Variants in CHSY3 observed in about 807,000 individuals in gnomAD.
CHSY3 encodes chondroitin sulfate synthase 3.
In CHSY3, 35 loss-of-function variants were observed where a neutral mutation model predicts 67.2. That is an observed-to-expected ratio of 0.52 (90% confidence interval 0.40 to 0.69). CHSY3 has a LOEUF of 0.69. Ranked by LOEUF, CHSY3 falls within the 30% of genes least tolerant of loss-of-function variation. CHSY3 has a pLI of 0.00. For synonymous variants in CHSY3, 474 were observed against 434.7 expected (o/e 1.09, Z -1.12); for missense variants, 1,069 against 1,138.5 (o/e 0.94, Z 0.88).
chr5:129,905,229 C>A lies in CHSY3; in HGVS notation c.400C>A (p.Pro134Thr). The change falls in exon 1 of 3, where the codon CCC becomes ACC. Residue 134 changes from proline to threonine, a missense_variant. Pro to Thr is a conservative substitution (Grantham distance 38, BLOSUM62 -1). Coordinates refer to ENST00000305031, the MANE Select transcript of CHSY3 (RefSeq NM_175856.5). ...CGGTGCTCCAGCGGCCGAGGGGGAG[C>A]CCGAGGAGGAGGACGGGGGCGCGGC... ...LPGAPAAEGE[P>T]EEEDGGAAGQ... 1 of 1,494,854 alleles carries A rather than the reference C, an allele frequency of 6.7e-7. No individual in the cohort carries two copies. Among genetic ancestry groups the A allele is most frequent in the Non-Finnish European group, 8.9e-7 (1 of 1,128,766 alleles). The allele number at this position is 1,494,854 out of a possible 1,614,324, so 92.6% of individuals were successfully genotyped here.
In CHSY3 at chr5:130,146,428, G is replaced by A. The variant is rs575786511; in HGVS notation, c.1087-37801G>A. On this transcript the variant is annotated intron_variant, in intron 2 of 2. Transcript: ENST00000305031. ...ATGTTATCAAACATACCAGAGAGTA[G>A]ATCAGTGATTACCAGAGACTGGAGA... 7.2e-5 allele frequency among the ~76,000 whole-genome samples: 11 copies of A among 152,230 alleles called. No individual in the cohort carries two copies. In the South Asian group the frequency reaches 2.3e-3, roughly 32 times the overall value.
chr5:130,106,428 C>T (rs983455471), intron 2 of CHSY3, among the ~76,000 whole-genome samples: 5 of 151,606 alleles, frequency 3.3e-5, no homozygotes, highest in Non-Finnish European at 7.4e-5. Flanking sequence ...AAAACACCTA[C>T]TTTTGTGTGC....
chr5:130,158,405 T>G (rs188854206), intron 2 of CHSY3, among the ~76,000 whole-genome samples: 77 of 152,342 alleles, frequency 5.1e-4, no homozygotes, highest in Non-Finnish European at 6.2e-4. Context: ...CTGTATCCTG[T>G]TCTTAAAGAA....
intron 2 of CHSY3, among the ~76,000 whole-genome samples, chr5:130,178,151 CT>C (rs1770110768): frequency 2.0e-5 from 2 of 101,368 alleles, no homozygotes; most frequent in South Asian, 2.9e-4. Context: ...TAGTTGTGGT[CT>C]TTTTTTAGTA....
At chr5:129,980,996 G>A (rs2149622232) in intron 2 of CHSY3, among the ~76,000 whole-genome samples, 1 of 151,100 alleles carries the variant, frequency 6.6e-6, no homozygotes, top group African/African-American at 2.4e-5. Flanking sequence ...TACGAGGTAA[G>A]GAGATCGAGA....
At chr5:129,955,787 G>A (rs1245744530) in intron 2 of CHSY3, among the ~76,000 whole-genome samples, 1 of 152,036 alleles carries the variant, frequency 6.6e-6, no homozygotes, top group Non-Finnish European at 1.5e-5. Flanking sequence ...AAGAATATGT[G>A]GTATTTGCTT....
chr5:129,986,048 A>G (rs1478307007), intron 2 of CHSY3, among the ~76,000 whole-genome samples: 1 of 151,954 alleles, frequency 6.6e-6, no homozygotes, highest in African/African-American at 2.4e-5. Flanking sequence ...ATTGCTCTAG[A>G]CTTCCAGTAC....
chr5:129,957,114 A>G (rs1762199529), intron 2 of CHSY3, among the ~76,000 whole-genome samples: 4 of 152,132 alleles, frequency 2.6e-5, no homozygotes, highest in Non-Finnish European at 5.9e-5. Context: ...ATGTTTTTCC[A>G]TTTGTTCGTG....
intron 2 of CHSY3, among the ~76,000 whole-genome samples, chr5:130,131,190 A>G (rs1768472339): frequency 6.6e-6 from 1 of 152,194 alleles, no homozygotes; most frequent in African/African-American, 2.4e-5. Context: ...AAATCATTGA[A>G]TGAGTCAAGT....
At chr5:130,102,118 G>A (rs1024249430) in intron 2 of CHSY3, among the ~76,000 whole-genome samples, 4 of 151,938 alleles carry the variant, frequency 2.6e-5, no homozygotes, top group Admixed American at 6.6e-5. Flanking sequence ...GTTTAAATCC[G>A]AATATATTAT....
At chr5:130,095,970 C>G (rs899089543) in intron 2 of CHSY3, among the ~76,000 whole-genome samples, 1 of 152,262 alleles carries the variant, frequency 6.6e-6, no homozygotes, top group African/African-American at 2.4e-5. Flanking sequence ...GAGAAAACAT[C>G]AGACCAAATG....
chr5:130,074,043 C>T (rs1473401890), intron 2 of CHSY3, among the ~76,000 whole-genome samples: 1 of 151,948 alleles, frequency 6.6e-6, no homozygotes, highest in Non-Finnish European at 1.5e-5. Flanking sequence ...TAACAATTAT[C>T]TTTCAGCTAG....
At chr5:130,104,490 G>A (rs1326114434) in intron 2 of CHSY3, among the ~76,000 whole-genome samples, 1 of 151,820 alleles carries the variant, frequency 6.6e-6, no homozygotes, top group African/African-American at 2.4e-5. Flanking sequence ...CAGAGTTGGG[G>A]GGAAGAGATT....
chr5:130,185,602 G>A lies in CHSY3; in HGVS notation c.2460G>A (p.Arg820=), dbSNP rs758540850. 10 of 1,614,046 alleles carry A rather than the reference G, an allele frequency of 6.2e-6. No individual in the cohort carries two copies. The highest frequency in any genetic ancestry group is 7.6e-6 in the Non-Finnish European group (9 of 1,179,970). Residue 820 remains arginine, a synonymous_variant, in exon 3 of 3, where the codon AGG becomes AGA. Transcript: ENST00000305031. ...LYNKVILSGL[R]PFRSQEVGVV... is the part of the protein sequence containing the mutation. Reference sequence around the variant, plus strand: ...ATAAAGTCATTCTATCTGGCTTAAGGCCATTCAGAAGCCAAGAAGTAGGAG... The same window carrying A: ...ATAAAGTCATTCTATCTGGCTTAAGACCATTCAGAAGCCAAGAAGTAGGAG...
chr5:130,155,021 A>T (rs1261562062), intron 2 of CHSY3, among the ~76,000 whole-genome samples: 1 of 152,102 alleles, frequency 6.6e-6, no homozygotes, highest in African/African-American at 2.4e-5. Flanking sequence ...TCGAACAGCA[A>T]CTCCAACAGG....
chr5:130,169,689 G>A (rs200570255), intron 2 of CHSY3, among the ~76,000 whole-genome samples: 71 of 147,782 alleles, frequency 4.8e-4, no homozygotes, highest in Non-Finnish European at 3.9e-4. Flanking sequence ...TGGGAGCACA[G>A]AAAAAAAAAA....
intron 2 of CHSY3, among the ~76,000 whole-genome samples, chr5:130,103,972 C>T (rs888415538): frequency 6.6e-6 from 1 of 151,880 alleles, no homozygotes; most frequent in Non-Finnish European, 1.5e-5. Context: ...GTCCCTTGTT[C>T]TAGCCAGAGA....
chr5:129,914,035 A>G (rs1469500799), intron 2 of CHSY3, among the ~76,000 whole-genome samples: 1 of 152,208 alleles, frequency 6.6e-6, no homozygotes, highest in Non-Finnish European at 1.5e-5. Context: ...TCTTAATAAC[A>G]TATTTTTAAG....
chr5:129,908,003 C>T lies in CHSY3; in HGVS notation c.803-74C>T, dbSNP rs1163990325. 3.9e-6 allele frequency: 6 copies of T among 1,530,364 alleles called. No individual in the cohort carries two copies. In the Admixed American group the frequency reaches 1.1e-4, roughly 27 times the overall value. 94.8% of individuals were successfully genotyped at this position (1,530,364 alleles called of 1,614,324 possible). A position where few individuals can be genotyped will look rare whatever the true frequency, so the allele number is the denominator to read the frequency against. ...GATTTTAAGCACAATGTTGAAAGTT[C>T]TGTCCCTTACCTTGTACATGATAAG... On this transcript the variant is annotated intron_variant, in intron 1 of 2. Transcript: ENST00000305031.
Sources: gnomAD v4.1 joint callset for allele counts (sites outside exome capture counted in the v4.1 genomes callset) on GRCh38, gnomAD v4.1.1 for gene constraint, MANE v1.5 for transcripts, NCBI Gene and HGNC (gene_info 2026-07-23, HGNC 2026-07-21) for gene names.